TENM3: variants seen among roughly 807,000 people sequenced by gnomAD.
The protein encoded by TENM3 is teneurin-3.
TENM3 carries 63 observed loss-of-function variants against 255.1 expected under a neutral mutation model. The observed-to-expected ratio is 0.25, with a 90% CI of 0.20 to 0.30. The LOEUF (loss-of-function observed/expected upper bound fraction) is 0.30. Among genes scored for constraint, TENM3 ranks in the 10% least tolerant of loss-of-function variants. The pLI is 1.00. For synonymous variants in TENM3, 1,306 were observed against 1,322.3 expected (o/e 0.99, Z 0.27); for missense variants, 2,929 against 3,461.1 (o/e 0.85, Z 3.86).
At chr4:182,401,311 G>T (rs1263587476) in intron 3 of TENM3, among the ~76,000 whole-genome samples, 1 of 152,116 alleles carries the variant, frequency 6.6e-6, no homozygotes, top group Non-Finnish European at 1.5e-5. Context: ...GAGAGCAGTT[G>T]TCCAGTTTTA....
At chr4:182,453,353 A>C (rs891929618) in intron 3 of TENM3, among the ~76,000 whole-genome samples, 2 of 152,182 alleles carry the variant, frequency 1.3e-5, no homozygotes, top group African/African-American at 2.4e-5. Context: ...TGAAAAGTAC[A>C]CGCAAATATT....
At chr4:182,700,113 A>G (rs1757736038) in intron 12 of TENM3, among the ~76,000 whole-genome samples, 1 of 152,174 alleles carries the variant, frequency 6.6e-6, no homozygotes, top group South Asian at 2.1e-4. Context: ...ATGCTTCCCA[A>G]AAGTAAGCCA....
chr4:182,550,408 A>G (rs1264882172), intron 3 of TENM3, among the ~76,000 whole-genome samples: 1 of 152,200 alleles, frequency 6.6e-6, no homozygotes, highest in Non-Finnish European at 1.5e-5. Flanking sequence ...ACTTAACACT[A>G]GGGTCACAGA....
At chr4:181,729,264 G>A in the TENM3 span, among the ~76,000 whole-genome samples, 2 of 152,124 alleles carry the variant, frequency 1.3e-5, no homozygotes, top group African/African-American at 2.4e-5. Flanking sequence ...TCTGGGCCTC[G>A]AAAGACACTT....
chr4:182,059,863 G>T, the TENM3 span, among the ~76,000 whole-genome samples: 1 of 152,212 alleles, frequency 6.6e-6, no homozygotes, highest in African/African-American at 2.4e-5. Flanking sequence ...AGCCCAGGAG[G>T]TGGAGGATGG....
the TENM3 span, among the ~76,000 whole-genome samples, chr4:181,462,448 G>C: frequency 6.6e-6 from 1 of 152,248 alleles, no homozygotes; most frequent in Non-Finnish European, 1.5e-5. Flanking sequence ...CTTGAAAACT[G>C]CCTCCAGGCA....
intron 3 of TENM3, among the ~76,000 whole-genome samples, chr4:182,514,242 G>T (rs1262643519): frequency 6.6e-6 from 1 of 152,228 alleles, no homozygotes; most frequent in Non-Finnish European, 1.5e-5. Flanking sequence ...GGGATGAGGA[G>T]AAACATTCAG....
chr4:181,902,682 A>G, the TENM3 span, among the ~76,000 whole-genome samples: 9 of 152,150 alleles, frequency 5.9e-5, no homozygotes, highest in African/African-American at 2.2e-4. Flanking sequence ...ACAGAAAATC[A>G]AACACCACAT....
At chr4:181,691,264 A>G in the TENM3 span, among the ~76,000 whole-genome samples, 1 of 151,852 alleles carries the variant, frequency 6.6e-6, no homozygotes, top group South Asian at 2.1e-4. Flanking sequence ...TGTATAATTA[A>G]GTACATGTAT....
At chr4:181,674,216 T>C in the TENM3 span, among the ~76,000 whole-genome samples, 1 of 152,176 alleles carries the variant, frequency 6.6e-6, no homozygotes, top group Admixed American at 6.6e-5. Flanking sequence ...CAGGCTGGTC[T>C]TGAACTGCTG....
intron 5 of TENM3, among the ~76,000 whole-genome samples, chr4:182,649,240 C>T (rs1753035293): frequency 6.6e-6 from 1 of 150,376 alleles, no homozygotes; most frequent in African/African-American, 2.4e-5. Flanking sequence ...CTTGTATTTA[C>T]TAGTTTTAAC....
At chr4:182,495,754 T>G (rs1444262892) in intron 3 of TENM3, among the ~76,000 whole-genome samples, 3 of 152,220 alleles carry the variant, frequency 2.0e-5, no homozygotes, top group Non-Finnish European at 4.4e-5. Context: ...TTCACAGTAC[T>G]AAAGTCATTT....
intron 19 of TENM3, chr4:182,744,093 CTTTTT>C (rs957977132): frequency 3.0e-4 from 134 of 451,764 alleles, no homozygotes; most frequent in Non-Finnish European, 3.1e-4. Context: ...ACTGTGCTTT[CTTTTT>C]TTTTTTTTTT....
At chr4:181,526,055 A>C in the TENM3 span, among the ~76,000 whole-genome samples, 1 of 152,190 alleles carries the variant, frequency 6.6e-6, no homozygotes, top group African/African-American at 2.4e-5. Flanking sequence ...GTAAACCAAA[A>C]TATTCACTAG....
At chr4:182,776,059 C>T (rs774730708) in intron 24 of TENM3, among the ~76,000 whole-genome samples, 5 of 151,052 alleles carry the variant, frequency 3.3e-5, no homozygotes, top group Non-Finnish European at 7.4e-5. Flanking sequence ...TGAAATTTAC[C>T]CTATACTACC....
Position 182,561,169 on chromosome 4 carries a change from A to G in TENM3, c.512-39755A>G, listed in dbSNP as rs1024766290. The stretch of plus-strand genomic sequence containing the variant: ...TGAAAAAAAGACAAACTAAGACTCA[A>G]AACATTGATGGGAATTTATAAAATT... On this transcript the variant is annotated intron_variant, in intron 3 of 27. Coordinates refer to ENST00000511685, the MANE Select transcript of TENM3 (RefSeq NM_001080477.4). Among the ~76,000 whole-genome samples the G allele has an allele frequency of 1.4e-4, 21 of 152,278 alleles. 1 individual carries two copies. Among genetic ancestry groups the G allele is most frequent in the African/African-American group, 4.8e-4 (20 of 41,578 alleles).
At chr4:181,555,074 T>C in the TENM3 span, among the ~76,000 whole-genome samples, 6 of 152,264 alleles carry the variant, frequency 3.9e-5, no homozygotes, top group Admixed American at 3.9e-4. Flanking sequence ...GAACCTTTTC[T>C]AGCAGTATTG....
chr4:181,645,372 G>A, the TENM3 span, among the ~76,000 whole-genome samples: 1 of 152,180 alleles, frequency 6.6e-6, no homozygotes, highest in Non-Finnish European at 1.5e-5. Flanking sequence ...TGAGAGCCTG[G>A]GCAGGGGTCC....
At chr4:182,660,326 C>A (rs1754123531) in intron 6 of TENM3, among the ~76,000 whole-genome samples, 1 of 152,146 alleles carries the variant, frequency 6.6e-6, no homozygotes, top group Non-Finnish European at 1.5e-5. Flanking sequence ...AAGGGCCATG[C>A]ATCAAGTATA....
Sources: allele counts gnomAD v4.1 joint callset (sites outside exome capture counted in the v4.1 genomes callset), GRCh38; gene constraint gnomAD v4.1.1; transcripts MANE v1.5; gene names NCBI Gene and HGNC (gene_info 2026-07-23, HGNC 2026-07-21).